The following GABBR2 variants were observed in gnomAD, a reference collection of about 807,000 sequenced individuals.
GABBR2 encodes the protein G-protein coupled receptor 51.
GABBR2 carries 23 observed loss-of-function variants against 105.6 expected under a neutral mutation model. The ratio of observed to expected loss-of-function variants is 0.22; its 90% confidence interval spans 0.16 to 0.31. The LOEUF (loss-of-function observed/expected upper bound fraction) is 0.31, where lower values mean the gene tolerates loss of function less well. GABBR2 is among the 10% of genes least tolerant of loss of function. The probability of loss-of-function intolerance (pLI) is 1.00; values close to 1 mark genes in which losing one functional copy is unlikely to be tolerated. For missense variants in GABBR2, 734 were observed against 1,245.5 expected, an observed-to-expected ratio of 0.59 and a Z score of 6.18; for synonymous variants, 478 against 499.7, an observed-to-expected ratio of 0.96 and a Z score of 0.58.
chr9:98,390,375 C>CAAAAAAAAAAAAAAAAAAAAAAAAAA (rs61216428), intron 9 of GABBR2, among the ~76,000 whole-genome samples: 2 of 32,444 alleles, frequency 6.2e-5, no homozygotes, highest in African/African-American at 2.0e-4. Flanking sequence ...CTCCATCTCA[C>CAAAAAAAAAAAAAAAAAAAAAAAAAA]AAAAAAAAAA....
At chr9:98,603,872 C>T (rs192958778) in intron 1 of GABBR2, among the ~76,000 whole-genome samples, 27 of 152,260 alleles carry the variant, frequency 1.8e-4, no homozygotes, top group Admixed American at 1.5e-3. Flanking sequence ...CAACAGACTC[C>T]GCTCTGGTTC....
At chr9:98,465,025 T>G (rs766068429) in intron 6 of GABBR2, among the ~76,000 whole-genome samples, 263 of 151,568 alleles carry the variant, frequency 1.7e-3, no homozygotes, top group Middle Eastern at 3.4e-3. Flanking sequence ...GAGACCTTTG[T>G]TCTTGTGTTT....
chr9:98,706,070 C>T (rs989100166), intron 1 of GABBR2, among the ~76,000 whole-genome samples: 6 of 144,274 alleles, frequency 4.2e-5, no homozygotes, highest in Non-Finnish European at 6.0e-5. Context: ...GAGCAAAACT[C>T]TATCTCAAAA....
chr9:98,440,578 G>A (rs1467320244), intron 7 of GABBR2, among the ~76,000 whole-genome samples: 1 of 152,060 alleles, frequency 6.6e-6, no homozygotes, highest in Admixed American at 6.5e-5. Flanking sequence ...TACTGGTTTA[G>A]GCAGTAATTC....
At chr9:98,604,626 A>G (rs1829385496) in intron 1 of GABBR2, among the ~76,000 whole-genome samples, 1 of 152,174 alleles carries the variant, frequency 6.6e-6, no homozygotes, top group South Asian at 2.1e-4. Context: ...TTTGTTTTTA[A>G]TGCTGGCTGG....
chr9:98,439,631 C>T (rs1257261731), intron 7 of GABBR2, among the ~76,000 whole-genome samples: 1 of 152,128 alleles, frequency 6.6e-6, no homozygotes, highest in Non-Finnish European at 1.5e-5. Flanking sequence ...TGTGTGCATG[C>T]ATGCATGTGA....
intron 1 of GABBR2, among the ~76,000 whole-genome samples, chr9:98,689,837 A>C (rs797016289): frequency 6.0e-4 from 91 of 152,226 alleles, no homozygotes; most frequent in African/African-American, 2.2e-3. Flanking sequence ...TTTTCAGGAT[A>C]TATTTATCTG....
intron 11 of GABBR2, among the ~76,000 whole-genome samples, chr9:98,378,506 G>A (rs1364428167): frequency 6.6e-6 from 1 of 152,202 alleles, no homozygotes; most frequent in African/African-American, 2.4e-5. Flanking sequence ...TACACAATCA[G>A]TCTCCAAGAG....
chr9:98,349,389 G>C (rs1831358089), intron 13 of GABBR2, among the ~76,000 whole-genome samples: 1 of 125,594 alleles, frequency 8.0e-6, no homozygotes, highest in African/African-American at 3.1e-5. Flanking sequence ...TCGGGACAGA[G>C]TTGCCCAGGC....
chr9:98,325,277 G>A (rs930048919), intron 13 of GABBR2, among the ~76,000 whole-genome samples: 3 of 140,592 alleles, frequency 2.1e-5, no homozygotes, highest in African/African-American at 8.0e-5. Context: ...CTCTAGGACA[G>A]CAATTCTTTT....
chr9:98,490,090 C>T (rs1488963357), intron 4 of GABBR2, among the ~76,000 whole-genome samples: 1 of 152,184 alleles, frequency 6.6e-6, no homozygotes, highest in Non-Finnish European at 1.5e-5. Context: ...AACACACCTA[C>T]ACGCAAAGCC....
intron 1 of GABBR2, among the ~76,000 whole-genome samples, chr9:98,626,931 T>C (rs1264959069): frequency 2.0e-5 from 3 of 152,192 alleles, no homozygotes; most frequent in East Asian, 1.9e-4. Flanking sequence ...TAAGACACCA[T>C]TGACATCATC....
At chr9:98,539,482 C>G (rs1828248269) in intron 3 of GABBR2, among the ~76,000 whole-genome samples, 1 of 152,218 alleles carries the variant, frequency 6.6e-6, no homozygotes, top group Non-Finnish European at 1.5e-5. Context: ...AACAATCTTT[C>G]ATGACTTCAG....
At chr9:98,423,268 C>T (rs1234106326) in intron 7 of GABBR2, among the ~76,000 whole-genome samples, 1 of 152,218 alleles carries the variant, frequency 6.6e-6, no homozygotes, top group East Asian at 1.9e-4. Flanking sequence ...TCCTCTCCAG[C>T]ACCTGTTGTC....
At chr9:98,581,523 C>A (rs1588237910) in intron 1 of GABBR2, among the ~76,000 whole-genome samples, 1 of 98,558 alleles carries the variant, frequency 1.0e-5, no homozygotes, top group Non-Finnish European at 2.4e-5. Flanking sequence ...GGGAGGGAGA[C>A]AGGGAGGGAG....
At chr9:98,658,367 G>C (rs1183442972) in intron 1 of GABBR2, among the ~76,000 whole-genome samples, 1 of 151,142 alleles carries the variant, frequency 6.6e-6, no homozygotes, top group Non-Finnish European at 1.5e-5. Context: ...CATGGGTACA[G>C]CTTCAGTGGA....
chr9:98,485,951 C>T (rs974755838), intron 4 of GABBR2, among the ~76,000 whole-genome samples: 4 of 152,266 alleles, frequency 2.6e-5, no homozygotes, highest in East Asian at 1.9e-4. Context: ...TGGAAAACTC[C>T]GGCCCCCCTG....
intron 1 of GABBR2, among the ~76,000 whole-genome samples, chr9:98,611,037 G>A (rs1230484635): frequency 6.6e-6 from 1 of 152,038 alleles, no homozygotes; most frequent in Non-Finnish European, 1.5e-5. Flanking sequence ...CCTTGACATC[G>A]CTCTCCCCAC....
intron 7 of GABBR2, among the ~76,000 whole-genome samples, chr9:98,413,991 T>G (rs1338909179): frequency 6.6e-6 from 1 of 152,228 alleles, no homozygotes; most frequent in Non-Finnish European, 1.5e-5. Context: ...ATACGTGCAT[T>G]CAATCAGCAA....
Sources: gnomAD v4.1 joint callset for allele counts (sites outside exome capture counted in the v4.1 genomes callset) on GRCh38, gnomAD v4.1.1 for gene constraint, MANE v1.5 for transcripts, NCBI Gene and HGNC (gene_info 2026-07-23, HGNC 2026-07-21) for gene names.